Variants in PLEKHG4B observed in about 807,000 individuals in gnomAD.
PLEKHG4B encodes the protein pleckstrin homology domain-containing family G member 4B.
PLEKHG4B carries 111 observed loss-of-function variants against 121.3 expected under a neutral mutation model. That is an observed-to-expected ratio of 0.92 (90% CI 0.78 to 1.07). PLEKHG4B has a LOEUF of 1.07. Among genes scored for constraint, PLEKHG4B ranks in the 50% least tolerant of loss-of-function variants. The pLI, the probability that PLEKHG4B is intolerant of heterozygous loss-of-function variation, is 0.00. For missense variants in PLEKHG4B, 1,831 were observed against 1,757.8 expected, an observed-to-expected ratio of 1.04 and a Z score of -0.74; for synonymous variants, 738 against 725.0, an observed-to-expected ratio of 1.02 and a Z score of -0.29.
At chr5:99,526 T>C (rs1341549785) in intron 1 of PLEKHG4B, among the ~76,000 whole-genome samples, 5 of 152,138 alleles carry the variant, frequency 3.3e-5, no homozygotes, top group Admixed American at 3.3e-4. Flanking sequence ...ATTTTCTTAA[T>C]TTCCTTTTCA....
chr5:122,154 A>G (rs73020546), intron 2 of PLEKHG4B, among the ~76,000 whole-genome samples: 3,989 of 152,288 alleles, frequency 0.026, 176 homozygotes, highest in African/African-American at 0.09. Flanking sequence ...CAAAAATAAC[A>G]CAAAGAGATA....
rs1223329088 is a variant in PLEKHG4B at position 182,431 on chromosome 5, C to T, written c.*108C>T. On this transcript the variant is annotated 3_prime_UTR_variant, in exon 20 of 20. Transcript: ENST00000637938. ...GGCGGTGCCCATCGCGTGGCTGGAACGATCCAGAGGGAATAGCACAGCAGG... is the reference window on the plus strand; with the variant it reads ...GGCGGTGCCCATCGCGTGGCTGGAATGATCCAGAGGGAATAGCACAGCAGG... 2.7e-5 allele frequency: 31 copies of T among 1,148,504 alleles called. No homozygotes were observed. Among genetic ancestry groups the T allele is most frequent in the Admixed American group, 4.5e-5 (2 of 44,048 alleles). 71.1% of individuals were successfully genotyped at this position (1,148,504 alleles called of 1,614,324 possible). A position where few individuals can be genotyped will look rare whatever the true frequency, so the allele number is the denominator to read the frequency against.
chr5:184,389 G>A lies in PLEKHG4B; in HGVS notation c.*2066G>A. ...GGGAGGCACAAAGCTGATGAGGATG[G>A]CTGACTCCTCAGGAGCAGCATGGGT... On this transcript the variant is annotated 3_prime_UTR_variant, in exon 20 of 20. Transcript: ENST00000637938. 1 of 152,358 alleles carries A rather than the reference G, an allele frequency of 6.6e-6. No homozygotes were observed. 9.4% of individuals were successfully genotyped at this position (152,358 alleles called of 1,614,324 possible).
At chr5:172,532 C>T (rs1016084292) in intron 16 of PLEKHG4B, among the ~76,000 whole-genome samples, 2 of 152,174 alleles carry the variant, frequency 1.3e-5, no homozygotes, top group South Asian at 4.1e-4. Flanking sequence ...TTCCATAAAT[C>T]GCAACAAGGT....
rs543436918 is a variant in PLEKHG4B at position 189,741 on chromosome 5, A to G, written c.*7418A>G. 26 of 152,108 alleles carry G rather than the reference A, an allele frequency of 1.7e-4. No homozygotes were observed. The highest frequency in any genetic ancestry group is 5.8e-4 in the African/African-American group (24 of 41,476). 9.4% of individuals were successfully genotyped at this position (152,108 alleles called of 1,614,324 possible). A position where few individuals can be genotyped will look rare whatever the true frequency, so the allele number is the denominator to read the frequency against. On this transcript the variant is annotated 3_prime_UTR_variant, in exon 20 of 20. Coordinates refer to ENST00000637938, the MANE Select transcript of PLEKHG4B (RefSeq NM_052909.5). ...GCTGCAGGGGCCCAGACCTTGGCTG[A>G]CCTTCCTAGCCATGGTCTCCACCCT...
intron 7 of PLEKHG4B, among the ~76,000 whole-genome samples, chr5:154,519 T>C (rs1297689847): frequency 1.3e-5 from 2 of 151,952 alleles, no homozygotes; most frequent in Non-Finnish European, 2.9e-5. Flanking sequence ...GAAACTCTCC[T>C]TATATTTTGT....
At chr5:179,063 A>G (rs1207620676) in intron 18 of PLEKHG4B, among the ~76,000 whole-genome samples, 1 of 152,218 alleles carries the variant, frequency 6.6e-6, no homozygotes, top group Non-Finnish European at 1.5e-5. Context: ...CAGAAGGCCA[A>G]CTGTGCTTCC....
At chr5:98,255 T>A (rs759470427) in intron 1 of PLEKHG4B, among the ~76,000 whole-genome samples, 4 of 151,944 alleles carry the variant, frequency 2.6e-5, no homozygotes, top group Non-Finnish European at 4.4e-5. Context: ...GGGGTCTAAC[T>A]TCATTCTTCT....
At chr5:129,326 A>G (rs756299015) in intron 2 of PLEKHG4B, among the ~76,000 whole-genome samples, 3 of 152,094 alleles carry the variant, frequency 2.0e-5, no homozygotes, top group Non-Finnish European at 2.9e-5. Flanking sequence ...TCTTAACTGG[A>G]GTGTTTCTTT....
At position 171,208 on chromosome 5, in the gene PLEKHG4B, TTGCAGGACA is replaced by T. The variant is rs777400932; in HGVS notation, c.3820-5_3823del. On this transcript the variant is annotated splice_acceptor_variant and splice_polypyrimidine_tract_variant and coding_sequence_variant and intron_variant, in exon 16 of 20. Transcript: ENST00000637938. LOFTEE classifies it high-confidence loss of function. ...CGGAGCTGACCCTCTCACCCGGCCC[TTGCAGGACA>T]AGCAGCGGGAGCTAGGTGACAAAAT... The T allele has an allele frequency of 2.5e-6, 4 of 1,603,510 alleles. No homozygotes were observed. In the South Asian group the frequency reaches 4.4e-5, roughly 18 times the overall value.
intron 13 of PLEKHG4B, among the ~76,000 whole-genome samples, chr5:167,254 G>A (rs921306412): frequency 1.3e-5 from 2 of 152,226 alleles, no homozygotes; most frequent in South Asian, 2.1e-4. Context: ...CAGCCAGGAG[G>A]TGCTGTGTTC....
rs774920050 is a variant in PLEKHG4B, at chr5:174,052, C to T, written c.4356C>T (p.Thr1452=). The part of the protein sequence containing the change: ...ASSAEVKSAW[T]DVIGRILWRQ... ...CGGCAGAGGTCAAGAGTGCATGGAC[C>T]GATGTCATAGGGAGGATCCTGTGGC... is the stretch of plus-strand genomic sequence containing the variant. The change falls in exon 18 of 20, where the codon ACC becomes ACT. Residue 1452 remains threonine (T), a synonymous_variant. Transcript: ENST00000637938. The T allele has an allele frequency of 2.1e-5, 34 of 1,599,006 alleles. No individual in the cohort carries two copies. The highest frequency in any genetic ancestry group is 1.3e-4 in the African/African-American group (10 of 74,156).
chr5:96,939 A>G (rs1015822698), intron 1 of PLEKHG4B, among the ~76,000 whole-genome samples: 2 of 152,270 alleles, frequency 1.3e-5, no homozygotes, highest in South Asian at 2.1e-4. Context: ...TGAAATTTAC[A>G]TAACGTAAAA....
At chr5:107,361 C>T (rs1478735820) in intron 1 of PLEKHG4B, among the ~76,000 whole-genome samples, 1 of 152,212 alleles carries the variant, frequency 6.6e-6, no homozygotes, top group African/African-American at 2.4e-5. Flanking sequence ...GCACCCAGGC[C>T]CTGGCTCCAC....
intron 2 of PLEKHG4B, among the ~76,000 whole-genome samples, chr5:131,944 A>G (rs1461028964): frequency 6.6e-6 from 1 of 152,206 alleles, no homozygotes; most frequent in East Asian, 1.9e-4. Flanking sequence ...TTGATGCAGA[A>G]AAAAGCATTT....
Position 163,204 on chromosome 5 carries a change from A to G in PLEKHG4B, c.3132A>G (p.Pro1044=). ...WDPLSLLRGL[P]GAGATTAHLE... ...CACTGTCCCTCCTCAGGGGCCTTCCAGGGGCAGGGGCCACCACGGCCCACC... is the reference window on the plus strand; with the variant it reads ...CACTGTCCCTCCTCAGGGGCCTTCCGGGGGCAGGGGCCACCACGGCCCACC... Residue 1044 remains proline, a synonymous_variant, in exon 13 of 20, where the codon CCA becomes CCG. Transcript: ENST00000637938. 1 of 1,590,668 alleles carries G rather than the reference A, an allele frequency of 6.3e-7. No homozygotes were observed. Among genetic ancestry groups the G allele is most frequent in the Non-Finnish European group, 8.6e-7 (1 of 1,169,340 alleles).
At chr5:145,037 C>A in intron 6 of PLEKHG4B, 117 bp downstream of exon 6, 1 of 935,306 alleles carries the variant, frequency 1.1e-6, no homozygotes, top group South Asian at 1.6e-5. Context: ...TGTGAAGATT[C>A]GAGATGGGGG....
At chr5:144,944 T>C (rs1445900273) in intron 6 of PLEKHG4B, 24 bp downstream of exon 6, 1 of 1,605,682 alleles carries the variant, frequency 6.2e-7, no homozygotes, top group Non-Finnish European at 8.5e-7. Context: ...GTCATATCCC[T>C]TGGGTGTGCA....
rs200062901 is a variant in PLEKHG4B at position 171,013 on chromosome 5, A to G, written c.3730-30A>G. On this transcript the variant is annotated intron_variant, in intron 14 of 19. Transcript: ENST00000637938. Reference sequence around the variant, plus strand: ...TGCTGTCTCTGGGCCTGTCACTCCCACAGCCAAGCAGTCGCCTCTGCTTTT... The same window carrying G: ...TGCTGTCTCTGGGCCTGTCACTCCCGCAGCCAAGCAGTCGCCTCTGCTTTT... 6.3e-5 allele frequency: 100 copies of G among 1,580,192 alleles called. No homozygotes were observed. In the African/African-American group the frequency reaches 1.2e-3, roughly 19 times the overall value.
Sources: gnomAD v4.1 joint callset for allele counts (sites outside exome capture counted in the v4.1 genomes callset) on GRCh38, gnomAD v4.1.1 for gene constraint, MANE v1.5 for transcripts, NCBI Gene and HGNC (gene_info 2026-07-23, HGNC 2026-07-21) for gene names.